The following FAM193A variants were observed in gnomAD, a reference collection of about 807,000 sequenced individuals.
FAM193A encodes the protein protein FAM193A.
Under a neutral mutation model 126.5 loss-of-function variants are expected in FAM193A, and 22 were observed. The observed-to-expected ratio is 0.17, with a 90% confidence interval of 0.12 to 0.25. The LOEUF (loss-of-function observed/expected upper bound fraction) is 0.25, where lower values mean the gene tolerates loss of function less well. Among genes scored for constraint, FAM193A ranks in the 10% least tolerant of loss-of-function variants. The probability of loss-of-function intolerance (pLI) is 1.00; values close to 1 mark genes in which losing one functional copy is unlikely to be tolerated. For synonymous variants in FAM193A, 761 were observed against 646.8 expected (o/e 1.18, Z -2.68); for missense variants, 1,675 against 1,672.8 (o/e 1.00, Z -0.02).
At chr4:2,672,945 T>C (rs941277132) in intron 13 of FAM193A, among the ~76,000 whole-genome samples, 1 of 152,128 alleles carries the variant, frequency 6.6e-6, no homozygotes, top group Non-Finnish European at 1.5e-5. Flanking sequence ...AGAAACCCAG[T>C]GTGAAGAGCC....
chr4:2,696,466 T>C lies in FAM193A; in HGVS notation c.3380T>C (p.Ile1127Thr). The part of the protein sequence containing the change: ...KEEQPKKMDQ[I>T]SERESVVDHR... ...GAGCAACCTAAAAAAATGGACCAGA[T>C]CTCAGAAAGGGAAAGCGTCGTTGAC... is the stretch of plus-strand genomic sequence containing the variant. Residue 1127 changes from isoleucine to threonine, a missense_variant, in exon 18 of 21, where the codon ATC (isoleucine) becomes ACC (threonine). By Grantham distance (89) the Ile-to-Thr change is moderately conservative. Coordinates refer to ENST00000637812, the MANE Select transcript of FAM193A (RefSeq NM_001366318.2). 1.2e-6 allele frequency: 2 copies of C among 1,614,110 alleles called. No homozygotes were observed. The highest frequency in any genetic ancestry group is 1.7e-6 in the Non-Finnish European group (2 of 1,180,002).
chr4:2,608,179 A>G, intron 2 of FAM193A: 1 of 1,538,170 alleles, frequency 6.5e-7, no homozygotes, highest in Non-Finnish European at 8.9e-7. Flanking sequence ...TACCAAGAGG[A>G]CTTCATTTTT....
chr4:2,618,422 G>GATTT lies in FAM193A; in HGVS notation c.502-6818_502-6815dup, dbSNP rs112503346. On this transcript the variant is annotated intron_variant, in intron 2 of 20. Transcript: ENST00000637812. ...TCAGTCTTCTCTGTGCTTCATTTTG[G>GATTT]ATTTATTTATTTATTTATTTATTTA... is the stretch of plus-strand genomic sequence containing the variant. Among the ~76,000 whole-genome samples, 600 of 151,608 alleles carry GATTT rather than the reference G, an allele frequency of 4.0e-3. 2 individuals are homozygous for GATTT. The highest frequency in any genetic ancestry group is 9.7e-3 in the African/African-American group (403 of 41,338).
rs923136275 is a variant in FAM193A at position 2,711,927 on chromosome 4, CA to C, written c.4373-4088del. ...GGGAGACAGAGCGAGACTCCATCTCCAAAAAAAAGAAATTATGTAATTTCCA... is the reference window on the plus strand; with the variant it reads ...GGGAGACAGAGCGAGACTCCATCTCCAAAAAAAGAAATTATGTAATTTCCA... On this transcript the variant is annotated intron_variant, in intron 19 of 20. Coordinates refer to ENST00000637812, the MANE Select transcript of FAM193A (RefSeq NM_001366318.2). Among the ~76,000 whole-genome samples, 14 of 151,338 alleles carry C rather than the reference CA, an allele frequency of 9.3e-5. No individual in the cohort carries two copies. The South Asian group carries it at 1.1e-3, about 11-fold the overall frequency.
At chr4:2,727,224 A>G (rs1376973059) in intron 20 of FAM193A, among the ~76,000 whole-genome samples, 2 of 151,622 alleles carry the variant, frequency 1.3e-5, no homozygotes, top group Non-Finnish European at 2.9e-5. Flanking sequence ...GCGTCACTGC[A>G]CTCCAGCCTG....
intron 18 of FAM193A, 34 bp downstream of exon 18, chr4:2,696,627 G>C: frequency 6.4e-7 from 1 of 1,561,066 alleles, no homozygotes; most frequent in Non-Finnish European, 8.8e-7. Context: ...GGAGGCGCCA[G>C]GTCTGAGGGC....
intron 20 of FAM193A, among the ~76,000 whole-genome samples, chr4:2,722,497 G>A (rs1720272601): frequency 1.3e-5 from 2 of 152,212 alleles, no homozygotes; most frequent in Admixed American, 6.5e-5. Context: ...GGGGCTGGGG[G>A]ACAGGGTCAC....
chr4:2,700,099 C>A lies in FAM193A; in HGVS notation c.3927C>A (p.Leu1309=), dbSNP rs752340131. The A allele has an allele frequency of 6.2e-7, 1 of 1,613,788 alleles. No individual in the cohort carries two copies. The highest frequency in any genetic ancestry group is 8.5e-7 in the Non-Finnish European group (1 of 1,180,006). Residue 1309 remains leucine, a synonymous_variant, in exon 19 of 21, where the codon CTC becomes CTA. Transcript: ENST00000637812. ...ACACCAGAGACTCCAAATTTCTCCT[C>A]CCCAAGGAGGTGAATGGGAAGCAGC... ...PVDTRDSKFL[L]PKEVNGKQHE... is the part of the protein sequence containing the mutation.
At chr4:2,677,176 T>C (rs1231028296) in intron 13 of FAM193A, among the ~76,000 whole-genome samples, 1 of 152,218 alleles carries the variant, frequency 6.6e-6, no homozygotes, top group Non-Finnish European at 1.5e-5. Context: ...GGATATTCAG[T>C]TGTACCAGTA....
intron 1 of FAM193A, among the ~76,000 whole-genome samples, chr4:2,554,489 T>C (rs1324387692): frequency 6.6e-6 from 1 of 152,198 alleles, no homozygotes; most frequent in Non-Finnish European, 1.5e-5. Context: ...TAAGGTTTTA[T>C]GGTCTGTTTT....
intron 1 of FAM193A, among the ~76,000 whole-genome samples, chr4:2,543,202 C>T (rs1356719305): frequency 2.6e-5 from 4 of 151,978 alleles, no homozygotes; most frequent in Non-Finnish European, 5.9e-5. Context: ...ATTCTCCTGC[C>T]TCAGCCTCCC....
chr4:2,598,140 G>A (rs925257505), intron 2 of FAM193A, among the ~76,000 whole-genome samples: 2 of 152,100 alleles, frequency 1.3e-5, no homozygotes, highest in Non-Finnish European at 2.9e-5. Flanking sequence ...TGATCCGCCC[G>A]CCTCTGCCTT....
intron 20 of FAM193A, among the ~76,000 whole-genome samples, chr4:2,724,746 A>G (rs1228892284): frequency 6.6e-6 from 1 of 152,208 alleles, no homozygotes; most frequent in Non-Finnish European, 1.5e-5. Flanking sequence ...TAAGCTTTCC[A>G]GTCAATGAAG....
At chr4:2,708,075 G>C (rs1718510113) in intron 19 of FAM193A, 1 of 423,636 alleles carries the variant, frequency 2.4e-6, no homozygotes, top group South Asian at 1.7e-5. Context: ...ATTGGATAGT[G>C]CTGCCCTAAC....
chr4:2,675,034 A>G (rs1714239910), intron 13 of FAM193A, among the ~76,000 whole-genome samples: 1 of 152,228 alleles, frequency 6.6e-6, no homozygotes, highest in Admixed American at 6.5e-5. Context: ...TTAATTTCCA[A>G]ATATTTGGGG....
At chr4:2,653,410 G>A (rs1003772800) in intron 7 of FAM193A, among the ~76,000 whole-genome samples, 3 of 152,098 alleles carry the variant, frequency 2.0e-5, no homozygotes, top group African/African-American at 7.2e-5. Context: ...GAGAAAACCA[G>A]TCTCTTCACT....
chr4:2,680,338 T>C (rs1254127830), intron 13 of FAM193A, among the ~76,000 whole-genome samples: 1 of 152,214 alleles, frequency 6.6e-6, no homozygotes, highest in Non-Finnish European at 1.5e-5. Flanking sequence ...CTTTTTTCTT[T>C]GAAACGGCAT....
chr4:2,570,252 G>A (rs557531699), intron 1 of FAM193A, among the ~76,000 whole-genome samples: 8 of 152,124 alleles, frequency 5.3e-5, no homozygotes, highest in African/African-American at 1.7e-4. Flanking sequence ...ACAAATCATG[G>A]TACCCTTATG....
At chr4:2,607,936 AAC>A (rs1741640387) in intron 2 of FAM193A, 1 of 1,365,178 alleles carries the variant, frequency 7.3e-7, no homozygotes, top group East Asian at 2.5e-5. Context: ...TCGCTTTATG[AAC>A]ACAGATTCTT....
Sources: allele counts gnomAD v4.1 joint callset (sites outside exome capture counted in the v4.1 genomes callset), GRCh38; gene constraint gnomAD v4.1.1; transcripts MANE v1.5; gene names NCBI Gene and HGNC (gene_info 2026-07-23, HGNC 2026-07-21).